The following NCKAP5 variants were observed in gnomAD, a reference collection of about 807,000 sequenced individuals.
The protein encoded by NCKAP5 is NCK associated protein 5, also known as nck-associated protein 5.
Under a neutral mutation model 167.0 loss-of-function variants are expected in NCKAP5, and 92 were observed. The ratio of observed to expected loss-of-function variants is 0.55; its 90% CI spans 0.47 to 0.66. The LOEUF (loss-of-function observed/expected upper bound fraction) is 0.66. Ranked by LOEUF, NCKAP5 falls within the 30% of genes least tolerant of loss-of-function variation. The pLI is 0.00. For synonymous variants in NCKAP5, 891 were observed against 877.4 expected (o/e 1.02, Z -0.27); for missense variants, 2,378 against 2,315.0 (o/e 1.03, Z -0.56).
chr2:132,772,421 T>C (rs1322194143), intron 16 of NCKAP5, among the ~76,000 whole-genome samples: 2 of 152,190 alleles, frequency 1.3e-5, no homozygotes, highest in African/African-American at 4.8e-5. Flanking sequence ...TACAAAGAAT[T>C]GCTACCTACT....
chr2:133,425,431 G>A (rs1689732571), intron 3 of NCKAP5, among the ~76,000 whole-genome samples: 1 of 152,064 alleles, frequency 6.6e-6, no homozygotes, highest in South Asian at 2.1e-4. Flanking sequence ...GTCAGCTTAT[G>A]GATTATATCA....
intron 3 of NCKAP5, among the ~76,000 whole-genome samples, chr2:133,401,547 G>A (rs1688098646): frequency 1.3e-5 from 2 of 152,222 alleles, no homozygotes; most frequent in South Asian, 4.1e-4. Context: ...GGAATCATTG[G>A]ACATCCACTT....
chr2:133,534,779 T>C (rs1041338866), intron 2 of NCKAP5, among the ~76,000 whole-genome samples: 2 of 152,238 alleles, frequency 1.3e-5, no homozygotes, highest in Non-Finnish European at 2.9e-5. Context: ...TCCACATTTT[T>C]GTTAAAACAC....
chr2:132,918,220 C>T (rs1695032926), intron 8 of NCKAP5, among the ~76,000 whole-genome samples: 1 of 152,182 alleles, frequency 6.6e-6, no homozygotes. Flanking sequence ...TCAGAAGGAT[C>T]TGGTACCATT....
chr2:133,295,457 T>A (rs1194785145), intron 4 of NCKAP5, among the ~76,000 whole-genome samples: 6 of 152,218 alleles, frequency 3.9e-5, no homozygotes, highest in Non-Finnish European at 8.8e-5. Context: ...TGGTTTTACC[T>A]AAAATTTTAA....
At chr2:133,050,937 ACG>A (rs1263786677) in intron 6 of NCKAP5, among the ~76,000 whole-genome samples, 1 of 152,202 alleles carries the variant, frequency 6.6e-6, no homozygotes, top group African/African-American at 2.4e-5. Flanking sequence ...GCGCGACTGA[ACG>A]CATGTGTGAA....
chr2:132,795,516 T>TA (rs796863586), intron 12 of NCKAP5, among the ~76,000 whole-genome samples: 13 of 152,192 alleles, frequency 8.5e-5, no homozygotes, highest in African/African-American at 2.9e-4. Context: ...CAATTTTAGT[T>TA]AAAAAATAGA....
intron 8 of NCKAP5, among the ~76,000 whole-genome samples, chr2:132,937,790 C>G (rs961987705): frequency 6.6e-6 from 1 of 152,188 alleles, no homozygotes; most frequent in Non-Finnish European, 1.5e-5. Flanking sequence ...TGGGCTTCCA[C>G]CAAAGATTTG....
intron 8 of NCKAP5, among the ~76,000 whole-genome samples, chr2:132,942,420 G>T (rs971408800): frequency 1.3e-5 from 2 of 152,132 alleles, no homozygotes; most frequent in African/African-American, 4.8e-5. Context: ...AGGTGATGTC[G>T]ACACTACTGG....
the NCKAP5 span, among the ~76,000 whole-genome samples, chr2:133,629,820 C>A: frequency 6.6e-6 from 1 of 152,158 alleles, no homozygotes; most frequent in Non-Finnish European, 1.5e-5. Flanking sequence ...GAGATCATGT[C>A]CTTTGCAGGG....
chr2:133,494,073 G>A (rs554831651), intron 3 of NCKAP5, among the ~76,000 whole-genome samples: 1 of 152,172 alleles, frequency 6.6e-6, no homozygotes, highest in Admixed American at 6.5e-5. Context: ...TCATGCTTTG[G>A]CCTTTTTGTT....
chr2:133,196,814 A>G (rs571860215), intron 5 of NCKAP5, among the ~76,000 whole-genome samples: 14 of 152,108 alleles, frequency 9.2e-5, no homozygotes, highest in Non-Finnish European at 1.8e-4. Context: ...GGGACTTACA[A>G]TGTTTAGTTT....
chr2:132,984,934 C>G (rs930535888), intron 7 of NCKAP5, among the ~76,000 whole-genome samples: 2 of 149,374 alleles, frequency 1.3e-5, no homozygotes, highest in Non-Finnish European at 3.0e-5. Flanking sequence ...AGTATTTGCT[C>G]AAGCTGCACA....
At chr2:133,400,873 T>C (rs1688055520) in intron 3 of NCKAP5, among the ~76,000 whole-genome samples, 1 of 152,238 alleles carries the variant, frequency 6.6e-6, no homozygotes, top group South Asian at 2.1e-4. Context: ...CCCTGCTCCC[T>C]GGCACAGAGC....
At chr2:133,631,455 G>A in the NCKAP5 span, among the ~76,000 whole-genome samples, 1 of 152,206 alleles carries the variant, frequency 6.6e-6, no homozygotes, top group Admixed American at 6.5e-5. Context: ...TACCTCCAAA[G>A]ATTGCTTTCT....
At chr2:133,452,797 A>G (rs1185935553) in intron 3 of NCKAP5, among the ~76,000 whole-genome samples, 1 of 152,022 alleles carries the variant, frequency 6.6e-6, no homozygotes, top group African/African-American at 2.4e-5. Context: ...GATGTCCCAG[A>G]CCCAAGCCTT....
chr2:132,904,631 G>A (rs886919431), intron 8 of NCKAP5, among the ~76,000 whole-genome samples: 1 of 152,148 alleles, frequency 6.6e-6, no homozygotes. Flanking sequence ...TTCCCCAGGA[G>A]CATACGTGAG....
chr2:132,766,763 C>T (rs887818147), intron 16 of NCKAP5, among the ~76,000 whole-genome samples: 1 of 152,240 alleles, frequency 6.6e-6, no homozygotes, highest in Non-Finnish European at 1.5e-5. Context: ...AACATTCTGG[C>T]ATTGGGCCAG....
intron 3 of NCKAP5, among the ~76,000 whole-genome samples, chr2:133,399,691 G>A (rs983408483): frequency 6.6e-6 from 1 of 152,160 alleles, no homozygotes; most frequent in Non-Finnish European, 1.5e-5. Context: ...GAGCTAATTT[G>A]ATTCATTCAT....
Sources: gnomAD v4.1 joint callset for allele counts (sites outside exome capture counted in the v4.1 genomes callset) on GRCh38, gnomAD v4.1.1 for gene constraint, MANE v1.5 for transcripts, NCBI Gene and HGNC (gene_info 2026-07-23, HGNC 2026-07-21) for gene names.